Variants in WFDC3 observed in about 807,000 individuals in gnomAD.
The protein encoded by WFDC3 is WAP four-disulfide core domain protein 3.
A neutral mutation model predicts 25.8 loss-of-function variants in WFDC3; 15 were observed. The ratio of observed to expected loss-of-function variants is 0.58; its 90% CI spans 0.39 to 0.89. WFDC3 has a LOEUF of 0.89. Among genes scored for constraint, WFDC3 ranks in the 40% least tolerant of loss-of-function variants. WFDC3 has a pLI of 0.00. For missense variants in WFDC3, 264 were observed against 289.8 expected, an observed-to-expected ratio of 0.91 and a Z score of 0.65; for synonymous variants, 103 against 107.1, an observed-to-expected ratio of 0.96 and a Z score of 0.24.
At chr20:45,777,522 T>C (rs1030990604) in intron 4 of WFDC3, among the ~76,000 whole-genome samples, 1 of 151,024 alleles carries the variant, frequency 6.6e-6, no homozygotes, top group African/African-American at 2.4e-5. Context: ...GGCTTATTTA[T>C]TTATTTATTT....
chr20:45,791,525 G>C (rs1980991202), intron 1 of WFDC3, among the ~76,000 whole-genome samples: 1 of 152,116 alleles, frequency 6.6e-6, no homozygotes. Flanking sequence ...TCGAACTCCT[G>C]ATGGCAAGTG....
chr20:45,782,808 G>A (rs952657371), intron 4 of WFDC3, among the ~76,000 whole-genome samples: 1 of 152,052 alleles, frequency 6.6e-6, no homozygotes, highest in African/African-American at 2.4e-5. Context: ...TTCATATACT[G>A]GCAGAGTGGT....
intron 4 of WFDC3, 120 bp downstream of exon 4, chr20:45,787,716 T>C (rs973168105): frequency 1.2e-5 from 16 of 1,345,276 alleles, no homozygotes; most frequent in African/African-American, 1.5e-5. Flanking sequence ...TTGTATATCT[T>C]TTTTTTTTAA....
chr20:45,785,393 G>A (rs1980622664), intron 4 of WFDC3, among the ~76,000 whole-genome samples: 2 of 150,782 alleles, frequency 1.3e-5, no homozygotes, highest in African/African-American at 2.4e-5. Context: ...TGACTTGAAT[G>A]TGGGAGCAGA....
chr20:45,780,299 C>T (rs1011327913), intron 4 of WFDC3, among the ~76,000 whole-genome samples: 1 of 151,824 alleles, frequency 6.6e-6, no homozygotes, highest in Admixed American at 6.6e-5. Context: ...CTTGTTTTGA[C>T]CTTCTGGCCT....
chr20:45,777,130 C>G lies in WFDC3; in HGVS notation c.438G>C (p.Gly146=), dbSNP rs754272865. 2.5e-6 allele frequency: 4 copies of G among 1,611,226 alleles called. No homozygotes were observed. Among genetic ancestry groups the G allele is most frequent in the Non-Finnish European group, 3.4e-6 (4 of 1,178,842 alleles). ...LCDGDASCPQ[G]HKCCSTGCGR... is the part of the protein sequence containing the mutation. ...CACAGCCGGTGCTGCAGCATTTATG[C>G]CCCTGGGGACAGGATGCATCCCCAT... The change falls in exon 5 of 7, where the codon GGG becomes GGC. Residue 146 remains glycine (G), a synonymous_variant. Coordinates refer to ENST00000243938, the MANE Select transcript of WFDC3 (RefSeq NM_080614.2).
intron 1 of WFDC3, among the ~76,000 whole-genome samples, chr20:45,790,632 G>A (rs1344308409): frequency 1.3e-5 from 2 of 152,106 alleles, no homozygotes; most frequent in Admixed American, 1.3e-4. Flanking sequence ...GGCTGAGGCA[G>A]GAGAATAGCT....
At chr20:45,791,172 G>GTTT (rs1980957032) in intron 1 of WFDC3, among the ~76,000 whole-genome samples, 6 of 81,864 alleles carry the variant, frequency 7.3e-5, no homozygotes, top group Admixed American at 1.7e-4. Flanking sequence ...TGCCTAATAT[G>GTTT]CTTTTTTTTT....
chr20:45,791,158 T>C (rs2145693448), intron 1 of WFDC3, among the ~76,000 whole-genome samples: 1 of 143,938 alleles, frequency 6.9e-6, no homozygotes, highest in African/African-American at 2.5e-5. Context: ...GATGACCTCA[T>C]ATGTGCCTAA....
intron 4 of WFDC3, among the ~76,000 whole-genome samples, chr20:45,784,121 T>G (rs1980569789): frequency 6.6e-6 from 1 of 152,196 alleles, no homozygotes; most frequent in African/African-American, 2.4e-5. Flanking sequence ...AGCCCTCAGC[T>G]TCAAACACTG....
At chr20:45,790,187 G>C in intron 1 of WFDC3, 3 of 507,330 alleles carry the variant, frequency 5.9e-6, no homozygotes, top group Non-Finnish European at 1.1e-5. Context: ...CACTACCAAA[G>C]GGGACCTGTG....
intron 4 of WFDC3, among the ~76,000 whole-genome samples, chr20:45,787,383 T>C (rs1321882538): frequency 6.8e-6 from 1 of 146,202 alleles, no homozygotes; most frequent in Non-Finnish European, 1.5e-5. Context: ...CTCCGCCTTC[T>C]GGGTTCACGC....
Position 45,787,093 on chromosome 20 carries a change from CAAAAAAAAAAAAA to C in WFDC3, c.358+730_358+742del, listed in dbSNP as rs71181858. Among the ~76,000 whole-genome samples the C allele has an allele frequency of 2.6e-4, 7 of 26,806 alleles. 1 individual carries two copies. Among genetic ancestry groups the C allele is most frequent in the East Asian group, 3.6e-3 (2 of 556 alleles). 17.6% of individuals were successfully genotyped at this position (26,806 alleles called of 152,430 possible). Reference sequence around the variant, plus strand: ...TGGGAGACAGAGCAAGACTCTCTCTCAAAAAAAAAAAAAAAAAAAAAAAAAGAATCTCGGGAGC... The same window carrying C: ...TGGGAGACAGAGCAAGACTCTCTCTCAAAAAAAAAAAAGAATCTCGGGAGC... On this transcript the variant is annotated intron_variant, in intron 4 of 6. Transcript: ENST00000243938.
chr20:45,778,563 AAT>A (rs1980297523), intron 4 of WFDC3: 1 of 152,234 alleles, frequency 6.6e-6, no homozygotes, highest in African/African-American at 2.4e-5. Context: ...TGACACAGGG[AAT>A]ACCCCTTTCA....
intron 3 of WFDC3, 103 bp from the exon 4 acceptor site, chr20:45,788,085 CCT>C: frequency 7.7e-7 from 1 of 1,305,538 alleles, no homozygotes; most frequent in Non-Finnish European, 1.0e-6. Flanking sequence ...GGGTGGATCA[CCT>C]GAGGTAGGGA....
At position 45,777,072 on chromosome 20, in the gene WFDC3, T is replaced by G; in HGVS notation, c.493+3A>C. On this transcript the variant is annotated splice_donor_region_variant and intron_variant, in intron 5 of 6. Coordinates refer to ENST00000243938, the MANE Select transcript of WFDC3 (RefSeq NM_080614.2). ...GGATTTCTTCCCAAAAGAGCCAACA[T>G]ACCTCCCTCAATGTCTCCGAGGCAG... 6.2e-7 allele frequency: 1 copy of G among 1,612,654 alleles called. No individual in the cohort carries two copies.
Position 45,782,511 on chromosome 20 carries a change from G to A in WFDC3, c.359-5302C>T, listed in dbSNP as rs536029164. Among the ~76,000 whole-genome samples, 28 of 152,038 alleles carry A rather than the reference G, an allele frequency of 1.8e-4. No individual in the cohort carries two copies. In the East Asian group the frequency reaches 5.4e-3, roughly 29 times the overall value. On this transcript the variant is annotated intron_variant, in intron 4 of 6. Coordinates refer to ENST00000243938, the MANE Select transcript of WFDC3 (RefSeq NM_080614.2). ...TCCTGCCTCAGCCTCCCGAGTAGCT[G>A]GGATTACAGACGCCCACCATCATGC... is the stretch of plus-strand genomic sequence containing the variant.
In WFDC3 at chr20:45,774,463, T is replaced by C; in HGVS notation, c.680-19A>G. The C allele has an allele frequency of 1.9e-6, 3 of 1,614,044 alleles. No homozygotes were observed. Among genetic ancestry groups the C allele is most frequent in the Non-Finnish European group, 2.5e-6 (3 of 1,179,966 alleles). The stretch of plus-strand genomic sequence containing the variant: ...GGGATCTCTGCAAGTAGAAGAAACA[T>C]CAAGTCACAGCTGTGCCCTCCTGGC... On this transcript the variant is annotated intron_variant, in intron 6 of 6. Transcript: ENST00000243938.
At chr20:45,785,768 G>T (rs1980641640) in intron 4 of WFDC3, among the ~76,000 whole-genome samples, 1 of 152,076 alleles carries the variant, frequency 6.6e-6, no homozygotes, top group South Asian at 2.1e-4. Flanking sequence ...GGCCTCTCAA[G>T]GGAATGGAGA....
Sources: gnomAD v4.1 joint callset for allele counts (sites outside exome capture counted in the v4.1 genomes callset) on GRCh38, gnomAD v4.1.1 for gene constraint, MANE v1.5 for transcripts, NCBI Gene and HGNC (gene_info 2026-07-23, HGNC 2026-07-21) for gene names.